The following SUGCT variants were observed in gnomAD, a reference collection of about 807,000 sequenced individuals.
The protein encoded by SUGCT is succinyl-CoA:glutarate-CoA transferase.
A neutral mutation model predicts 55.0 loss-of-function variants in SUGCT; 41 were observed. The observed-to-expected ratio is 0.74, with a 90% CI of 0.58 to 0.97. The LOEUF (loss-of-function observed/expected upper bound fraction) is 0.97, where lower values mean the gene tolerates loss of function less well. SUGCT is among the 50% of genes least tolerant of loss of function. The pLI is 0.00. For missense variants in SUGCT, 568 were observed against 547.8 expected, an observed-to-expected ratio of 1.04 and a Z score of -0.37; for synonymous variants, 187 against 200.4, an observed-to-expected ratio of 0.93 and a Z score of 0.56.
chr7:40,924,796 C>T, the SUGCT span, among the ~76,000 whole-genome samples: 1 of 152,196 alleles, frequency 6.6e-6, no homozygotes, highest in Non-Finnish European at 1.5e-5. Context: ...AAAACATAGG[C>T]AGTGCTTGTT....
intron 13 of SUGCT, among the ~76,000 whole-genome samples, chr7:40,791,485 T>C (rs989499846): frequency 6.6e-6 from 1 of 152,206 alleles, no homozygotes; most frequent in Non-Finnish European, 1.5e-5. Flanking sequence ...GGATGTATTC[T>C]AGTGATCAGA....
chr7:40,880,681 A>G, the SUGCT span, among the ~76,000 whole-genome samples: 2 of 152,228 alleles, frequency 1.3e-5, no homozygotes, highest in Non-Finnish European at 2.9e-5. Flanking sequence ...TATTTAAAAC[A>G]GTTTAAAAAA....
At chr7:40,669,191 G>A (rs560002285) in intron 12 of SUGCT, among the ~76,000 whole-genome samples, 2 of 152,004 alleles carry the variant, frequency 1.3e-5, no homozygotes, top group Non-Finnish European at 2.9e-5. Context: ...TCTCCAGAAG[G>A]TCTAACATAG....
intron 12 of SUGCT, among the ~76,000 whole-genome samples, chr7:40,579,132 T>G (rs1370660507): frequency 6.6e-6 from 1 of 152,170 alleles, no homozygotes; most frequent in African/African-American, 2.4e-5. Flanking sequence ...ACTTCTTTTT[T>G]TTTTTAAATA....
chr7:40,860,765 G>A (rs1794465863), downstream of SUGCT: 1 of 259,350 alleles, frequency 3.9e-6, no homozygotes, highest in Middle Eastern at 1.2e-3. Flanking sequence ...CTGGAAAAAT[G>A]CACTCCTTAT....
the SUGCT span, among the ~76,000 whole-genome samples, chr7:40,923,060 C>A: frequency 6.6e-6 from 1 of 152,104 alleles, no homozygotes; most frequent in South Asian, 2.1e-4. Flanking sequence ...TCAAGGCCAG[C>A]GCTTTCAAGA....
chr7:40,911,816 CTTGT>C, the SUGCT span, among the ~76,000 whole-genome samples: 1 of 152,090 alleles, frequency 6.6e-6, no homozygotes, highest in African/African-American at 2.4e-5. Flanking sequence ...TTTTCTTGGT[CTTGT>C]TTCTTACATC....
At chr7:40,339,620 C>T (rs1448295452) in intron 9 of SUGCT, among the ~76,000 whole-genome samples, 1 of 152,170 alleles carries the variant, frequency 6.6e-6, no homozygotes, top group East Asian at 1.9e-4. Context: ...GTGGGAGTGA[C>T]CCGATTTTCC....
At chr7:40,436,573 G>T (rs1354565995) in intron 9 of SUGCT, among the ~76,000 whole-genome samples, 1 of 152,080 alleles carries the variant, frequency 6.6e-6, no homozygotes, top group African/African-American at 2.4e-5. Context: ...CTTGACTAAA[G>T]CTCTGTTCTA....
intron 12 of SUGCT, among the ~76,000 whole-genome samples, chr7:40,631,773 C>G (rs1410350062): frequency 6.6e-6 from 1 of 152,188 alleles, no homozygotes; most frequent in Non-Finnish European, 1.5e-5. Flanking sequence ...GGACAGGCTC[C>G]TGTCTTTTCT....
chr7:40,501,642 C>A (rs2151530703), intron 12 of SUGCT, among the ~76,000 whole-genome samples: 1 of 152,164 alleles, frequency 6.6e-6, no homozygotes, highest in Middle Eastern at 3.4e-3. Flanking sequence ...TCAATCATCC[C>A]TTCCTTCATT....
chr7:40,601,512 G>A (rs767054488), intron 12 of SUGCT, among the ~76,000 whole-genome samples: 3 of 152,192 alleles, frequency 2.0e-5, no homozygotes, highest in Non-Finnish European at 4.4e-5. Flanking sequence ...GAACCACAAA[G>A]TACCCTGGCT....
chr7:40,679,288 A>G (rs1162750214), intron 12 of SUGCT, among the ~76,000 whole-genome samples: 1 of 152,218 alleles, frequency 6.6e-6, no homozygotes, highest in African/African-American at 2.4e-5. Flanking sequence ...TATCTTGTGA[A>G]AACTGTATCT....
At chr7:40,260,902 A>T (rs1042675637) in intron 7 of SUGCT, among the ~76,000 whole-genome samples, 10 of 152,146 alleles carry the variant, frequency 6.6e-5, no homozygotes, top group South Asian at 6.2e-4. Context: ...AAGTGCTGGG[A>T]TTACAGGTGT....
intron 12 of SUGCT, among the ~76,000 whole-genome samples, chr7:40,704,311 G>C (rs1157014650): frequency 6.6e-6 from 1 of 152,172 alleles, no homozygotes; most frequent in African/African-American, 2.4e-5. Flanking sequence ...GATTTTGTGA[G>C]GATTATCAGC....
At chr7:40,641,829 A>G (rs543689414) in intron 12 of SUGCT, among the ~76,000 whole-genome samples, 54 of 152,176 alleles carry the variant, frequency 3.5e-4, no homozygotes, top group Non-Finnish European at 6.5e-4. Flanking sequence ...GGGTTTTCAC[A>G]TCCATGTCAA....
chr7:40,824,991 T>G (rs998939139), intron 13 of SUGCT, among the ~76,000 whole-genome samples: 11 of 152,188 alleles, frequency 7.2e-5, no homozygotes, highest in African/African-American at 2.7e-4. Context: ...AAAAGGGGAC[T>G]GCTTCATGCA....
the SUGCT span, among the ~76,000 whole-genome samples, chr7:40,958,514 G>A: frequency 4.0e-5 from 6 of 151,808 alleles, no homozygotes; most frequent in African/African-American, 7.2e-5. Flanking sequence ...CCTCCATCAG[G>A]TCATTTATGT....
chr7:40,209,600 C>T lies in SUGCT; in HGVS notation c.484+14540C>T, dbSNP rs549931910. On this transcript the variant is annotated intron_variant, in intron 6 of 13. Coordinates refer to ENST00000335693, the MANE Select transcript of SUGCT (RefSeq NM_001193313.2). ...TCACCTGAGGTCCGGAGTTCGAGAC[C>T]AGCCTGACCAACATGGTGAAAACCT... 1.2e-3 allele frequency among the ~76,000 whole-genome samples: 182 copies of T among 152,296 alleles called. 2 individuals carry two copies. Among genetic ancestry groups the T allele is most frequent in the African/African-American group, 4.2e-3 (176 of 41,570 alleles).
Sources: allele counts gnomAD v4.1 joint callset (sites outside exome capture counted in the v4.1 genomes callset), GRCh38; gene constraint gnomAD v4.1.1; transcripts MANE v1.5; gene names NCBI Gene and HGNC (gene_info 2026-07-23, HGNC 2026-07-21).